The following PSMD13 variants were observed in gnomAD, a reference collection of about 807,000 sequenced individuals.
PSMD13 encodes the protein 26S proteasome non-ATPase regulatory subunit 13.
A neutral mutation model predicts 57.4 loss-of-function variants in PSMD13; 8 were observed. That is an observed-to-expected ratio of 0.14 (90% confidence interval 0.08 to 0.25). The LOEUF is 0.25. Ranked by LOEUF, PSMD13 falls within the 10% of genes least tolerant of loss-of-function variation. The pLI, the probability that PSMD13 is intolerant of heterozygous loss-of-function variation, is 1.00. For synonymous variants in PSMD13, 193 were observed against 168.2 expected (o/e 1.15, Z -1.14); for missense variants, 400 against 461.5 (o/e 0.87, Z 1.22).
intron 1 of PSMD13, 35 bp downstream of exon 1, chr11:237,179 G>T (rs750742537): frequency 5.1e-6 from 8 of 1,579,312 alleles, no homozygotes; most frequent in South Asian, 1.1e-5. Context: ...GGGCCCCGGC[G>T]ATAGAGGGAG....
chr11:245,230 G>T (rs545544894), intron 6 of PSMD13, among the ~76,000 whole-genome samples: 1 of 152,076 alleles, frequency 6.6e-6, no homozygotes, highest in Non-Finnish European at 1.5e-5. Flanking sequence ...GCCGTGAGCC[G>T]CTGCGCCCAG....
rs763747389 is a variant in PSMD13, at chr11:237,001, G to C, written c.-49G>C. On this transcript the variant is annotated 5_prime_UTR_variant, in exon 1 of 13. Transcript: ENST00000532097. ...GAGCATTTCCGGCAGCCATCCCCGCGGTGCTGACATCCCGGTTGTTCTTCT... is the reference window on the plus strand; with the variant it reads ...GAGCATTTCCGGCAGCCATCCCCGCCGTGCTGACATCCCGGTTGTTCTTCT... 1.3e-6 allele frequency: 2 copies of C among 1,488,620 alleles called. No individual in the cohort carries two copies. The highest frequency in any genetic ancestry group is 2.3e-5 in the East Asian group (1 of 44,006). 92.2% of individuals were successfully genotyped at this position (1,488,620 alleles called of 1,614,324 possible).
intron 2 of PSMD13, among the ~76,000 whole-genome samples, chr11:241,948 G>A (rs984673033): frequency 6.6e-6 from 1 of 152,016 alleles, no homozygotes; most frequent in African/African-American, 2.4e-5. Context: ...GAAACATAAT[G>A]TATTTTTTTC....
chr11:251,971 G>T lies in PSMD13; in HGVS notation c.1035+35G>T. The T allele has an allele frequency of 6.4e-7, 1 of 1,573,918 alleles. No individual in the cohort carries two copies. The highest frequency in any genetic ancestry group is 8.7e-7 in the Non-Finnish European group (1 of 1,145,674). On this transcript the variant is annotated intron_variant, in intron 12 of 12. Transcript: ENST00000532097. The surrounding 1 kb of genome is among the most constrained non-coding windows in gnomAD (Gnocchi z 4.6). ...TTGAAACCCATTATTCACCTCTGTG[G>T]ATTTTGAGGGGTTGTGTCTATACCG... is the stretch of plus-strand genomic sequence containing the variant.
chr11:243,738 G>T (rs1422929092), intron 2 of PSMD13, among the ~76,000 whole-genome samples: 1 of 152,194 alleles, frequency 6.6e-6, no homozygotes, highest in Non-Finnish European at 1.5e-5. Flanking sequence ...ACAGTACCTG[G>T]AAGAAAGAAT....
chr11:239,282 A>G (rs1859465594), intron 2 of PSMD13, among the ~76,000 whole-genome samples: 1 of 152,214 alleles, frequency 6.6e-6, no homozygotes, highest in South Asian at 2.1e-4. Flanking sequence ...GTAGAAGCAA[A>G]CATAAGACTT....
rs146974552 is a variant in PSMD13 at position 249,306 on chromosome 11, G to A, written c.774+249G>A. On this transcript the variant is annotated intron_variant, in intron 9 of 12. Transcript: ENST00000532097. ...AATCGAATGTGGGCCCTGCATCTAC[G>A]CTGGGTGGAGGGGGTGTCACAGAAG... Among the ~76,000 whole-genome samples, 278 of 152,188 alleles carry A rather than the reference G, an allele frequency of 1.8e-3. 1 individual carries two copies. The highest frequency in any genetic ancestry group is 3.3e-3 in the Non-Finnish European group (224 of 68,018).
At position 237,054 on chromosome 11, in the gene PSMD13, A is replaced by G; in HGVS notation, c.5A>G (p.Lys2Arg). 6.2e-7 allele frequency: 1 copy of G among 1,613,478 alleles called. No individual in the cohort carries two copies. Among genetic ancestry groups the G allele is most frequent in the Non-Finnish European group, 8.5e-7 (1 of 1,179,474 alleles). ...GCCGGGGGTCTTCCTGCTGTCATGA[A>G]GGACGTACCGGGCTTCCTACAGCAG... M[K>R]DVPGFLQQSQ... is the part of the protein sequence containing the mutation. The change falls in exon 1 of 13, where the codon AAG becomes AGG. Residue 2 changes from lysine (K) to arginine (R), a missense_variant. Lys to Arg is a conservative substitution (Grantham distance 26). Coordinates refer to ENST00000532097, the MANE Select transcript of PSMD13 (RefSeq NM_002817.4).
chr11:246,157 A>G (rs774715662), intron 6 of PSMD13, among the ~76,000 whole-genome samples: 25 of 152,232 alleles, frequency 1.6e-4, no homozygotes, highest in Non-Finnish European at 2.5e-4. Context: ...TGTTACTCCT[A>G]TACGGTATTT....
At chr11:250,671 A>G (rs1373288691) in intron 9 of PSMD13, 132 bp from the exon 10 acceptor site, 6 of 715,802 alleles carry the variant, frequency 8.4e-6, no homozygotes, top group East Asian at 2.7e-5. Context: ...GCAGTCTGCA[A>G]TGTGAAATGT....
intron 6 of PSMD13, 152 bp from the exon 7 acceptor site, chr11:247,125 G>A (rs551679745): frequency 4.4e-6 from 3 of 675,702 alleles, no homozygotes; most frequent in African/African-American, 1.8e-5. Context: ...GCTTGAACCT[G>A]TAATCCCAGC....
At chr11:247,945 T>A (rs1184401141) in intron 7 of PSMD13, 4 of 152,862 alleles carry the variant, frequency 2.6e-5, no homozygotes, top group African/African-American at 4.8e-5. Context: ...GCATTTAATT[T>A]ACATGAAAAT....
intron 1 of PSMD13, among the ~76,000 whole-genome samples, chr11:238,160 A>G (rs1425209966): frequency 6.6e-6 from 1 of 152,210 alleles, no homozygotes; most frequent in Non-Finnish European, 1.5e-5. Flanking sequence ...AGCTTATTTA[A>G]TCCTTTATTC....
chr11:248,277 C>T (rs1859698240), intron 7 of PSMD13: 1 of 155,824 alleles, frequency 6.4e-6, no homozygotes, highest in Admixed American at 6.2e-5. Flanking sequence ...AGATGTTTCT[C>T]ACAAAACACT....
Position 252,892 on chromosome 11 carries a change from C to T in PSMD13, c.*292C>T, listed in dbSNP as rs1375356821. The T allele has an allele frequency of 2.1e-5, 7 of 332,336 alleles. No individual in the cohort carries two copies. Among genetic ancestry groups the T allele is most frequent in the Non-Finnish European group, 4.0e-5 (7 of 173,812 alleles). The allele number at this position is 332,336 out of a possible 1,614,324, so 20.6% of individuals were successfully genotyped here. A position where few individuals can be genotyped will look rare whatever the true frequency, so the allele number is the denominator to read the frequency against. ...GAGGCCCCCTGAAGTCTGTGTACTC[C>T]GAGGTGGATCTCCATCCCCATCCAC... On this transcript the variant is annotated 3_prime_UTR_variant, in exon 13 of 13. Coordinates refer to ENST00000532097, the MANE Select transcript of PSMD13 (RefSeq NM_002817.4). This position sits in a 1 kb window ranked among gnomAD's most constrained non-coding sequence, Gnocchi z 4.1.
chr11:239,211 C>T (rs543481235), intron 2 of PSMD13, 135 bp downstream of exon 2: 25 of 823,586 alleles, frequency 3.0e-5, no homozygotes, highest in African/African-American at 1.0e-4. Flanking sequence ...CTGGTCTGAG[C>T]GCTTCACATA....
intron 9 of PSMD13, among the ~76,000 whole-genome samples, chr11:249,908 T>G (rs183179134): frequency 5.7e-4 from 87 of 152,170 alleles, no homozygotes; most frequent in African/African-American, 2.0e-3. Flanking sequence ...AGGGTAGATA[T>G]AGATGAAGGC....
At position 244,704 on chromosome 11, in the gene PSMD13, G is replaced by C; in HGVS notation, c.339G>C (p.Leu113=). ...KVKSSDEAVI[L]CKTAIGALKL... ...AAAGTAGTGATGAGGCAGTGATCCT[G>C]TGTAAAACAGCAATTGGAGCTCTAA... Residue 113 remains leucine, a synonymous_variant, in exon 6 of 13, where the codon CTG becomes CTC. Coordinates refer to ENST00000532097, the MANE Select transcript of PSMD13 (RefSeq NM_002817.4). 6.2e-7 allele frequency: 1 copy of C among 1,613,994 alleles called. No homozygotes were observed. Among genetic ancestry groups the C allele is most frequent in the Non-Finnish European group, 8.5e-7 (1 of 1,179,978 alleles).
intron 9 of PSMD13, 164 bp from the exon 10 acceptor site, chr11:250,639 C>T: frequency 1.7e-6 from 1 of 600,854 alleles, no homozygotes; most frequent in South Asian, 1.9e-5. Flanking sequence ...AAGCTCAGAT[C>T]ACTTGTTGTT....
Sources: gnomAD v4.1 joint callset for allele counts (sites outside exome capture counted in the v4.1 genomes callset) on GRCh38, gnomAD v4.1.1 for gene constraint, Gnocchi (gnomAD v3.1) non-coding constraint, MANE v1.5 for transcripts, NCBI Gene and HGNC (gene_info 2026-07-23, HGNC 2026-07-21) for gene names.